LDLRAD4: variants seen among roughly 807,000 people sequenced by gnomAD.
LDLRAD4 encodes low-density lipoprotein receptor class A domain-containing protein 4.
A neutral mutation model predicts 17.0 loss-of-function variants in LDLRAD4; 5 were observed. That is an observed-to-expected ratio of 0.29 (90% confidence interval 0.15 to 0.62). LDLRAD4 has a LOEUF of 0.62. Ranked by LOEUF, LDLRAD4 falls within the 20% of genes least tolerant of loss-of-function variation. The probability of loss-of-function intolerance (pLI) is 0.84; values close to 1 mark genes in which losing one functional copy is unlikely to be tolerated. For synonymous variants in LDLRAD4, 168 were observed against 171.8 expected, an observed-to-expected ratio of 0.98 and a Z score of 0.17; for missense variants, 340 against 424.7, an observed-to-expected ratio of 0.80 and a Z score of 1.75.
intron 2 of LDLRAD4, among the ~76,000 whole-genome samples, chr18:13,421,884 CTCGCT>C (rs2089492544): frequency 1.3e-5 from 2 of 152,222 alleles, no homozygotes; most frequent in Non-Finnish European, 2.9e-5. Context: ...GGCAGGAGTC[CTCGCT>C]GCACCTGCAG....
chr18:13,525,093 C>T (rs368905713), intron 3 of LDLRAD4, among the ~76,000 whole-genome samples: 1 of 152,196 alleles, frequency 6.6e-6, no homozygotes, highest in Non-Finnish European at 1.5e-5. Context: ...GTACTCAGGT[C>T]TAGGTGCAAG....
intron 3 of LDLRAD4, among the ~76,000 whole-genome samples, chr18:13,593,646 T>G (rs979033393): frequency 6.6e-6 from 1 of 152,218 alleles, no homozygotes; most frequent in Non-Finnish European, 1.5e-5. Context: ...AGCTATGAGA[T>G]AGGGGCTTGC....
At chr18:13,362,672 A>T (rs1388051536) in intron 1 of LDLRAD4, 2 of 152,244 alleles carry the variant, frequency 1.3e-5, no homozygotes, top group African/African-American at 4.8e-5. Flanking sequence ...AAACAGTGTG[A>T]TAGATTAATG....
At chr18:13,640,645 C>T (rs139277809) in intron 4 of LDLRAD4, among the ~76,000 whole-genome samples, 1 of 152,222 alleles carries the variant, frequency 6.6e-6, no homozygotes, top group East Asian at 1.9e-4. Context: ...GGTGGGCTGG[C>T]CTGGGAAAGG....
chr18:13,380,552 CAT>C (rs972572304), intron 1 of LDLRAD4, among the ~76,000 whole-genome samples: 7 of 152,218 alleles, frequency 4.6e-5, no homozygotes, highest in Non-Finnish European at 8.8e-5. Context: ...GCTGCTAGAT[CAT>C]ATGAGTCGAT....
At chr18:13,407,349 C>T (rs950989947) in intron 2 of LDLRAD4, among the ~76,000 whole-genome samples, 12 of 152,144 alleles carry the variant, frequency 7.9e-5, no homozygotes, top group Admixed American at 6.5e-4. Flanking sequence ...GATTAATTGA[C>T]GGTGATGTGA....
At chr18:13,401,663 T>C (rs9807144) in intron 2 of LDLRAD4, among the ~76,000 whole-genome samples, 43,276 of 152,056 alleles carry the variant, frequency 0.28, 7,452 homozygotes, top group East Asian at 0.55. Flanking sequence ...AAGCAAATGA[T>C]GATGTTTTGC....
chr18:13,219,752 T>C (rs779609397), intron 1 of LDLRAD4, among the ~76,000 whole-genome samples: 11 of 152,254 alleles, frequency 7.2e-5, no homozygotes, highest in Admixed American at 1.3e-4. Flanking sequence ...CCGGTTTGGC[T>C]AGCCAAGAAT....
intron 1 of LDLRAD4, among the ~76,000 whole-genome samples, chr18:13,320,647 C>T (rs1041772304): frequency 2.6e-5 from 4 of 152,288 alleles, no homozygotes; most frequent in South Asian, 4.1e-4. Context: ...TGTCCTGTGA[C>T]GGTGAGGAAG....
chr18:13,603,865 G>A (rs954788241), intron 3 of LDLRAD4, among the ~76,000 whole-genome samples: 1 of 152,186 alleles, frequency 6.6e-6, no homozygotes, highest in Admixed American at 6.5e-5. Flanking sequence ...GGCTCTCTTT[G>A]TCTCCTGCAG....
chr18:13,598,976 TGCTA>T (rs2095127798), intron 3 of LDLRAD4, among the ~76,000 whole-genome samples: 1 of 152,226 alleles, frequency 6.6e-6, no homozygotes, highest in African/African-American at 2.4e-5. Context: ...GTTGGGACCA[TGCTA>T]TCATTAGCCT....
chr18:13,538,323 A>C (rs1185119794), intron 3 of LDLRAD4, among the ~76,000 whole-genome samples: 2 of 152,328 alleles, frequency 1.3e-5, no homozygotes, highest in Non-Finnish European at 2.9e-5. Context: ...ACATTCCTGT[A>C]AGCACCAATT....
intron 1 of LDLRAD4, among the ~76,000 whole-genome samples, chr18:13,370,261 C>T (rs1356394371): frequency 6.6e-6 from 1 of 152,214 alleles, no homozygotes; most frequent in African/African-American, 2.4e-5. Context: ...TTTGTTCTTA[C>T]TCCTGCATTT....
intron 2 of LDLRAD4, among the ~76,000 whole-genome samples, chr18:13,388,953 G>T (rs2086046307): frequency 6.6e-6 from 1 of 152,228 alleles, no homozygotes; most frequent in Admixed American, 6.5e-5. Context: ...TAGCTTGGCA[G>T]CTGTGTAGAT....
At chr18:13,547,423 G>A (rs1284407) in intron 3 of LDLRAD4, among the ~76,000 whole-genome samples, 51,381 of 152,096 alleles carry the variant, frequency 0.34, 9,735 homozygotes, top group East Asian at 0.46. Flanking sequence ...TGCTTCACCC[G>A]CTGGAAACCT....
At chr18:13,431,364 A>T (rs1413042065) in intron 2 of LDLRAD4, among the ~76,000 whole-genome samples, 8 of 152,252 alleles carry the variant, frequency 5.3e-5, no homozygotes, top group African/African-American at 1.9e-4. Context: ...TCTTACAGAC[A>T]GAAAACCACA....
intron 3 of LDLRAD4, among the ~76,000 whole-genome samples, chr18:13,583,450 A>T (rs1387156480): frequency 6.6e-6 from 1 of 152,050 alleles, no homozygotes; most frequent in African/African-American, 2.4e-5. Flanking sequence ...CAACTTTGAG[A>T]TGCCTAAGAT....
intron 3 of LDLRAD4, among the ~76,000 whole-genome samples, chr18:13,533,857 C>A (rs1293952927): frequency 6.6e-6 from 1 of 152,040 alleles, no homozygotes; most frequent in African/African-American, 2.4e-5. Context: ...AGTAAAGGAC[C>A]GGGGAGACTT....
intron 1 of LDLRAD4, among the ~76,000 whole-genome samples, chr18:13,326,265 G>A (rs550383933): frequency 6.6e-6 from 1 of 152,306 alleles, no homozygotes; most frequent in Non-Finnish European, 1.5e-5. Context: ...AAGGGGGGAA[G>A]GCTCGGAAGA....
Sources: gnomAD v4.1 joint callset for allele counts (sites outside exome capture counted in the v4.1 genomes callset) on GRCh38, gnomAD v4.1.1 for gene constraint, MANE v1.5 for transcripts, NCBI Gene and HGNC (gene_info 2026-07-23, HGNC 2026-07-21) for gene names.